NAALADL2: variants seen among roughly 807,000 people sequenced by gnomAD.
The protein encoded by NAALADL2 is N-acetylated alpha-linked acidic dipeptidase like 2.
In NAALADL2, 76 loss-of-function variants were observed where a neutral mutation model predicts 87.2. The ratio of observed to expected loss-of-function variants is 0.87; its 90% CI spans 0.72 to 1.05. NAALADL2 has a LOEUF of 1.05. Among genes scored for constraint, NAALADL2 ranks in the 50% least tolerant of loss-of-function variants. The pLI is 0.00. For synonymous variants in NAALADL2, 354 were observed against 331.0 expected (o/e 1.07, Z -0.75); for missense variants, 1,089 against 945.8 (o/e 1.15, Z -1.99).
chr3:174,720,016 G>C (rs994068467), intron 2 of NAALADL2, among the ~76,000 whole-genome samples: 1 of 151,886 alleles, frequency 6.6e-6, no homozygotes, highest in African/African-American at 2.4e-5. Context: ...TGGCCAGGAT[G>C]GTCTCGCTCT....
At chr3:174,822,179 GGA>G (rs1418138591) in intron 3 of NAALADL2, among the ~76,000 whole-genome samples, 1 of 151,990 alleles carries the variant, frequency 6.6e-6, no homozygotes, top group African/African-American at 2.4e-5. Flanking sequence ...CAGGGCGGAG[GGA>G]GAGGGGGAGA....
intron 5 of NAALADL2, chr3:175,369,515 G>C (rs1178143652): frequency 1.3e-5 from 2 of 152,252 alleles, no homozygotes; most frequent in Non-Finnish European, 2.9e-5. Context: ...GTGCCTGTGT[G>C]CGTGTGTGTG....
intron 3 of NAALADL2, among the ~76,000 whole-genome samples, chr3:175,239,748 AC>A (rs1746508073): frequency 6.6e-6 from 1 of 152,192 alleles, no homozygotes; most frequent in South Asian, 2.1e-4. Flanking sequence ...AACAGCCCAG[AC>A]TAGCATCCTT....
chr3:174,921,399 T>C (rs991501255), intron 1 of NAALADL2, among the ~76,000 whole-genome samples: 3 of 152,198 alleles, frequency 2.0e-5, no homozygotes, highest in African/African-American at 7.2e-5. Flanking sequence ...ATGTAATCTT[T>C]TGCAAATTCT....
chr3:174,457,981 C>A (rs1167911744), intron 1 of NAALADL2, among the ~76,000 whole-genome samples: 1 of 151,696 alleles, frequency 6.6e-6, no homozygotes, highest in African/African-American at 2.4e-5. Context: ...GACACGTGGG[C>A]CTATTGGAGG....
chr3:175,764,852 G>A (rs530072181), intron 13 of NAALADL2, among the ~76,000 whole-genome samples: 74 of 152,112 alleles, frequency 4.9e-4, no homozygotes, highest in African/African-American at 1.5e-3. Context: ...GAATAACAAT[G>A]ATCTCATTAT....
At chr3:175,510,212 A>C (rs900768094) in intron 9 of NAALADL2, among the ~76,000 whole-genome samples, 1 of 152,172 alleles carries the variant, frequency 6.6e-6, no homozygotes, top group Non-Finnish European at 1.5e-5. Flanking sequence ...AGATCTCATG[A>C]GAACTCACTC....
intron 9 of NAALADL2, among the ~76,000 whole-genome samples, chr3:175,538,396 G>A (rs1473172730): frequency 6.6e-6 from 1 of 151,668 alleles, no homozygotes; most frequent in East Asian, 1.9e-4. Flanking sequence ...AAAAAAAAGT[G>A]TATTTCAGCT....
intron 1 of NAALADL2, among the ~76,000 whole-genome samples, chr3:174,550,359 G>C (rs775969322): frequency 6.6e-6 from 1 of 151,878 alleles, no homozygotes; most frequent in African/African-American, 2.4e-5. Flanking sequence ...TATTGGTATA[G>C]TATCTAGACT....
intron 2 of NAALADL2, among the ~76,000 whole-genome samples, chr3:175,108,010 A>T (rs552756637): frequency 6.6e-6 from 1 of 152,040 alleles, no homozygotes; most frequent in African/African-American, 2.4e-5. Context: ...TGGAGAAAAT[A>T]TATTAAATTT....
intron 3 of NAALADL2, among the ~76,000 whole-genome samples, chr3:175,247,287 C>T (rs1350818): frequency 1.5e-3 from 234 of 151,374 alleles, no homozygotes; most frequent in Middle Eastern, 6.8e-3. Flanking sequence ...CACACACACA[C>T]ATAAAACACA....
At chr3:175,383,919 T>C (rs1442464139) in intron 5 of NAALADL2, among the ~76,000 whole-genome samples, 1 of 152,120 alleles carries the variant, frequency 6.6e-6, no homozygotes, top group African/African-American at 2.4e-5. Context: ...TTTTTACCAC[T>C]GTGACTAAGA....
intron 5 of NAALADL2, among the ~76,000 whole-genome samples, chr3:175,440,240 C>T (rs983385860): frequency 3.3e-5 from 5 of 152,106 alleles, no homozygotes; most frequent in Admixed American, 3.3e-4. Flanking sequence ...TTCCATTGAT[C>T]TATATGTCTG....
intron 2 of NAALADL2, among the ~76,000 whole-genome samples, chr3:175,180,917 T>C (rs1736370183): frequency 6.6e-6 from 1 of 152,026 alleles, no homozygotes; most frequent in African/African-American, 2.4e-5. Context: ...CAAAGTCACA[T>C]AGGTGATAGA....
intron 13 of NAALADL2, among the ~76,000 whole-genome samples, chr3:175,771,026 T>C (rs947236799): frequency 1.3e-5 from 2 of 152,200 alleles, no homozygotes; most frequent in Non-Finnish European, 2.9e-5. Flanking sequence ...GAATAGAAAG[T>C]CATTTCAGAC....
intron 2 of NAALADL2, among the ~76,000 whole-genome samples, chr3:175,153,403 A>C (rs1261207244): frequency 2.0e-5 from 3 of 152,150 alleles, no homozygotes; most frequent in Non-Finnish European, 4.4e-5. Context: ...ATTCCATGAA[A>C]GGACACTGCA....
chr3:174,987,594 A>C (rs1297366416), intron 1 of NAALADL2, among the ~76,000 whole-genome samples: 19 of 143,238 alleles, frequency 1.3e-4, no homozygotes, highest in Non-Finnish European at 2.1e-4. Flanking sequence ...AAAAAAAAAA[A>C]AAAACAATAC....
rs1299416578 is a variant in NAALADL2 at position 175,503,983 on chromosome 3, C to G, written c.1653+32225C>G. Among the ~76,000 whole-genome samples the G allele has an allele frequency of 3.9e-5, 6 of 152,200 alleles. No homozygotes were observed. In the East Asian group the frequency reaches 1.2e-3, roughly 29 times the overall value. ...TTTTTCTTCCAATTGCTGTTGGTGT[C>G]TTCGTCACGAAATTTTTGCCAGGTC... On this transcript the variant is annotated intron_variant, in intron 9 of 13. Transcript: ENST00000454872.
At chr3:174,797,594 C>T (rs1372060524) in intron 3 of NAALADL2, among the ~76,000 whole-genome samples, 3 of 151,914 alleles carry the variant, frequency 2.0e-5, no homozygotes, top group Non-Finnish European at 1.5e-5. Flanking sequence ...CTATTATAAC[C>T]TGGTAGTATA....
Sources: gnomAD v4.1 joint callset for allele counts (sites outside exome capture counted in the v4.1 genomes callset) on GRCh38, gnomAD v4.1.1 for gene constraint, MANE v1.5 for transcripts, NCBI Gene and HGNC (gene_info 2026-07-23, HGNC 2026-07-21) for gene names.